DENND4A: variants seen among roughly 807,000 people sequenced by gnomAD.
The protein encoded by DENND4A is C-myc promoter-binding protein.
DENND4A carries 70 observed loss-of-function variants against 199.3 expected under a neutral mutation model. That is an observed-to-expected ratio of 0.35 (90% confidence interval 0.29 to 0.43). The LOEUF (loss-of-function observed/expected upper bound fraction) is 0.43. Ranked by LOEUF, DENND4A falls within the 20% of genes least tolerant of loss-of-function variation. The pLI is 1.00. For missense variants in DENND4A, 1,723 were observed against 2,255.8 expected, an observed-to-expected ratio of 0.76 and a Z score of 4.78; for synonymous variants, 686 against 766.9, an observed-to-expected ratio of 0.89 and a Z score of 1.74.
chr15:65,667,303 C>T (rs945220929), intron 29 of DENND4A, 146 bp downstream of exon 29: 1 of 984,286 alleles, frequency 1.0e-6, no homozygotes, highest in African/African-American at 1.6e-5. Flanking sequence ...GCACTCCAGC[C>T]TGGCGAAAGA....
intron 24 of DENND4A, 100 bp from the exon 25 acceptor site, chr15:65,671,986 C>A: frequency 2.7e-6 from 2 of 736,692 alleles, no homozygotes; most frequent in Middle Eastern, 2.4e-4. Flanking sequence ...AAATGTTAAC[C>A]TATTCCAGTC....
At chr15:65,724,659 C>A in intron 11 of DENND4A, among the ~76,000 whole-genome samples, 1 of 152,154 alleles carries the variant, frequency 6.6e-6, no homozygotes, top group East Asian at 1.9e-4. Context: ...TTTGTCCCCT[C>A]TATCTTTCCA....
Position 65,663,217 on chromosome 15 carries a change from T to TTA in DENND4A, c.5587+1112_5587+1113insTA, listed in dbSNP as rs1566978896. ...ATATATATTTTTTTTTTTTTATTTT[T>TTA]TTTTTTGGTTAGACGGAGTTTCACT... On this transcript the variant is annotated intron_variant, in intron 32 of 32. Transcript: ENST00000443035. 3.2e-3 allele frequency among the ~76,000 whole-genome samples: 456 copies of TTA among 144,414 alleles called. 4 individuals carry two copies. The highest frequency in any genetic ancestry group is 0.012 in the African/African-American group (441 of 38,054). 94.7% of individuals were successfully genotyped at this position (144,414 alleles called of 152,430 possible).
intron 27 of DENND4A, 41 bp from the exon 28 acceptor site, chr15:65,668,164 ATTTAC>A (rs774974300): frequency 1.5e-6 from 2 of 1,371,652 alleles, no homozygotes; most frequent in Admixed American, 5.2e-5. Flanking sequence ...CAGTGTCTAG[ATTTAC>A]TTTACTTCAT....
chr15:65,671,936 A>G (rs772405939), intron 24 of DENND4A, 50 bp from the exon 25 acceptor site: 1 of 1,090,466 alleles, frequency 9.2e-7, no homozygotes, highest in Non-Finnish European at 1.4e-6. Context: ...ATTAATGAGA[A>G]AGGATATAAG....
At chr15:65,695,121 A>G (rs1394502008) in intron 22 of DENND4A, among the ~76,000 whole-genome samples, 1 of 152,214 alleles carries the variant, frequency 6.6e-6, no homozygotes, top group Non-Finnish European at 1.5e-5. Context: ...TGTTACAACA[A>G]TTATCTAACA....
At chr15:65,685,271 C>G (rs552657424) in intron 23 of DENND4A, among the ~76,000 whole-genome samples, 3 of 152,108 alleles carry the variant, frequency 2.0e-5, no homozygotes, top group Non-Finnish European at 1.5e-5. Flanking sequence ...GGACTACAGG[C>G]GCCTGGCACC....
rs1295049890 is a variant in DENND4A, at chr15:65,691,434, T to C, written c.3160A>G (p.Arg1054Gly). The change falls in exon 23 of 33, where the codon AGG (arginine) becomes GGG (glycine). Residue 1054 changes from arginine (R) to glycine (G), a missense_variant. Physicochemically the swap from Arg to Gly is moderately radical, Grantham distance 125. This residue lies in a region of DENND4A where 650 missense variants were observed against 738.1 expected (regional missense o/e 0.88). Coordinates refer to ENST00000443035, the MANE Select transcript of DENND4A (RefSeq NM_001320835.1). ...ETRNIQSRCFRKRHKSDNETN... is the reference protein window; with the variant it reads ...ETRNIQSRCFGKRHKSDNETN... ...TCATTGTCACTTTTATGTCTTTTCC[T>C]GAAGCATCTACTTTGAATGTTTCGT... The C allele has an allele frequency of 2.5e-6, 4 of 1,613,448 alleles. No individual in the cohort carries two copies. The highest frequency in any genetic ancestry group is 3.4e-6 in the Non-Finnish European group (4 of 1,179,650).
At chr15:65,777,720 C>CA (rs961798716) in intron 1 of DENND4A, among the ~76,000 whole-genome samples, 2 of 151,574 alleles carry the variant, frequency 1.3e-5, no homozygotes, top group Non-Finnish European at 2.9e-5. Flanking sequence ...TCAAGGAAGC[C>CA]AAAAAAAAGT....
At chr15:65,748,064 G>GAAAAAAAAA in intron 4 of DENND4A, among the ~76,000 whole-genome samples, 1 of 97,056 alleles carries the variant, frequency 1.0e-5, no homozygotes, top group Non-Finnish European at 2.1e-5. Flanking sequence ...AAAAAAAAAA[G>GAAAAAAAAA]GAAAAAAAAA....
At chr15:65,709,610 C>A (rs1446483361) in intron 14 of DENND4A, among the ~76,000 whole-genome samples, 1 of 144,082 alleles carries the variant, frequency 6.9e-6, no homozygotes, top group Non-Finnish European at 1.5e-5. Context: ...AGGAGAACTG[C>A]TTGAACCCAG....
chr15:65,729,784 T>C (rs2075905156), intron 9 of DENND4A, 106 bp from the exon 10 acceptor site: 14 of 1,024,040 alleles, frequency 1.4e-5, no homozygotes, highest in Non-Finnish European at 1.1e-5. Context: ...TTGTATTATA[T>C]ATGTTGATTA....
chr15:65,666,820 G>A (rs941265580), intron 29 of DENND4A, among the ~76,000 whole-genome samples: 3 of 150,144 alleles, frequency 2.0e-5, no homozygotes, highest in African/African-American at 7.3e-5. Flanking sequence ...TTTGAAAGAA[G>A]TACAAGATGT....
At chr15:65,767,995 C>T (rs1388106806) in intron 1 of DENND4A, among the ~76,000 whole-genome samples, 1 of 152,118 alleles carries the variant, frequency 6.6e-6, no homozygotes, top group Non-Finnish European at 1.5e-5. Flanking sequence ...ATCTCAGGTG[C>T]TCTTACCCCA....
chr15:65,722,402 A>C (rs768286285), intron 12 of DENND4A, among the ~76,000 whole-genome samples: 29 of 152,240 alleles, frequency 1.9e-4, no homozygotes, highest in Non-Finnish European at 3.5e-4. Flanking sequence ...CAGGAGGTCA[A>C]GGCTGTAGTG....
At chr15:65,678,505 G>C (rs1484535453) in intron 23 of DENND4A, among the ~76,000 whole-genome samples, 1 of 152,130 alleles carries the variant, frequency 6.6e-6, no homozygotes, top group Non-Finnish European at 1.5e-5. Flanking sequence ...TCATGTTTGT[G>C]TTCTAGTGAA....
chr15:65,756,928 T>C (rs1156603010), intron 2 of DENND4A, among the ~76,000 whole-genome samples: 3 of 152,028 alleles, frequency 2.0e-5, no homozygotes, highest in Non-Finnish European at 4.4e-5. Context: ...TCCCAGCTAC[T>C]CAGGAGGCTG....
At chr15:65,697,148 AAAAG>A (rs1159937904) in intron 21 of DENND4A, 115 bp downstream of exon 21, 4 of 642,090 alleles carry the variant, frequency 6.2e-6, no homozygotes, top group African/African-American at 5.6e-5. Flanking sequence ...GTAATGGTAG[AAAAG>A]AAAGAGTTAT....
At chr15:65,696,841 G>T in intron 21 of DENND4A, 1 of 292,202 alleles carries the variant, frequency 3.4e-6, no homozygotes, top group Non-Finnish European at 6.8e-6. Flanking sequence ...CAGGTCAGAT[G>T]GGTAATGTGC....
Sources: gnomAD v4.1 joint callset for allele counts (sites outside exome capture counted in the v4.1 genomes callset) on GRCh38, gnomAD v4.1.1 for gene constraint, gnomAD v4.1.1 regional missense constraint, MANE v1.5 for transcripts, NCBI Gene and HGNC (gene_info 2026-07-23, HGNC 2026-07-21) for gene names.